Variants in ECEL1 observed in about 807,000 individuals in gnomAD.
ECEL1 encodes the protein endothelin converting enzyme like 1, also known as endothelin-converting enzyme-like 1.
A neutral mutation model predicts 101.8 loss-of-function variants in ECEL1; 87 were observed. The ratio of observed to expected loss-of-function variants is 0.85; its 90% CI spans 0.72 to 1.02. The LOEUF is 1.02. ECEL1 is among the 50% of genes least tolerant of loss of function. The pLI, the probability that ECEL1 is intolerant of heterozygous loss-of-function variation, is 0.00. For missense variants in ECEL1, 1,032 were observed against 1,079.2 expected, an observed-to-expected ratio of 0.96 and a Z score of 0.61; for synonymous variants, 487 against 468.7, an observed-to-expected ratio of 1.04 and a Z score of -0.50.
chr2:232,486,434 C>T lies in ECEL1; in HGVS notation c.220G>A (p.Ala74Thr). The change falls in exon 2 of 18, where the codon GCC becomes ACC. Residue 74 changes from alanine (A) to threonine (T), a missense_variant. Transcript: ENST00000304546. ...AGGGCCAGCATAGCCGCCAGAATGG[C>T]GCAGAGGCCGGCGGCGAACACCAGC... ...SGLVFAAGLCAILAAMLALKY... is the reference protein window; with the variant it reads ...SGLVFAAGLCTILAAMLALKY... The T allele has an allele frequency of 6.9e-7, 1 of 1,458,288 alleles. No homozygotes were observed. The highest frequency in any genetic ancestry group is 8.9e-7 in the Non-Finnish European group (1 of 1,117,614). The allele number at this position is 1,458,288 out of a possible 1,614,324, so 90.3% of individuals were successfully genotyped here. A position where few individuals can be genotyped will look rare whatever the true frequency, so the allele number is the denominator to read the frequency against.
In ECEL1 at chr2:232,484,868, A is replaced by G; in HGVS notation, c.992T>C (p.Leu331Pro). 3 of 1,613,890 alleles carry G rather than the reference A, an allele frequency of 1.9e-6. No individual in the cohort carries two copies. The highest frequency in any genetic ancestry group is 2.5e-6 in the Non-Finnish European group (3 of 1,179,972). ...ANITVSEHDDLRRDVSSMYNK... is the reference protein window; with the variant it reads ...ANITVSEHDDPRRDVSSMYNK... ...GTACATGGAGCTGACATCTCGCCGT[A>G]GGTCGTCATGCTCTGACACAGTGAT... is the stretch of plus-strand genomic sequence containing the variant. Residue 331 changes from leucine (L) to proline (P), a missense_variant, in exon 5 of 18, where the codon CTA becomes CCA. Leu to Pro is a moderately conservative substitution (Grantham distance 98, BLOSUM62 -3). Coordinates refer to ENST00000304546, the MANE Select transcript of ECEL1 (RefSeq NM_004826.4).
Position 232,486,370 on chromosome 2 carries a change from C to T in ECEL1, c.284G>A (p.Cys95Tyr), listed in dbSNP as rs1432814402. The T allele has an allele frequency of 8.7e-6, 13 of 1,492,832 alleles. No individual in the cohort carries two copies. The Admixed American group carries it at 1.2e-4, about 14-fold the overall frequency. The allele number at this position is 1,492,832 out of a possible 1,614,324, so 92.5% of individuals were successfully genotyped here. A position where few individuals can be genotyped will look rare whatever the true frequency, so the allele number is the denominator to read the frequency against. ...LGPVAAGGGA[C>Y]PEGCPERKAF... ...CTTGCGCTCAGGGCAGCCCTCGGGA[C>T]AGGCGCCGCCGCCGGCCGCGACCGG... is the stretch of plus-strand genomic sequence containing the variant. The change falls in exon 2 of 18, where the codon TGT becomes TAT. Residue 95 changes from cysteine to tyrosine, a missense_variant. Cys to Tyr is a radical substitution (Grantham distance 194). Transcript: ENST00000304546.
chr2:232,485,998 C>A lies in ECEL1; in HGVS notation c.656G>T (p.Arg219Leu). ...GGWDLGGAEE[R>L]PGVAARWDLN... The stretch of plus-strand genomic sequence containing the variant: ...GTCCCATCGCGCCGCGACCCCCGGA[C>A]GCTCCTCCGCGCCGCCCAGGTCCCA... Residue 219 changes from arginine (R) to leucine (L), a missense_variant, in exon 2 of 18, where the codon CGT (arginine) becomes CTT (leucine). Coordinates refer to ENST00000304546, the MANE Select transcript of ECEL1 (RefSeq NM_004826.4). 6.2e-7 allele frequency: 1 copy of A among 1,606,856 alleles called. No individual in the cohort carries two copies. The highest frequency in any genetic ancestry group is 8.5e-7 in the Non-Finnish European group (1 of 1,177,962).
chr2:232,484,973 C>G lies in ECEL1; in HGVS notation c.966+8G>C. ...GCCCAGGGCAGCCTCCAGTCCTGGT[C>G]TGCTCACGTTGGCCAGCTGCTGCTC... On this transcript the variant is annotated splice_region_variant and intron_variant, in intron 4 of 17. Transcript: ENST00000304546. 1 of 1,613,068 alleles carries G rather than the reference C, an allele frequency of 6.2e-7. No homozygotes were observed. The highest frequency in any genetic ancestry group is 8.5e-7 in the Non-Finnish European group (1 of 1,180,008).
chr2:232,482,184 A>G (rs1012563224), intron 12 of ECEL1, among the ~76,000 whole-genome samples: 6 of 152,230 alleles, frequency 3.9e-5, no homozygotes, highest in Non-Finnish European at 8.8e-5. Context: ...TGAAACATCA[A>G]AATGAGCCTC....
chr2:232,487,244 T>G (rs1262345209), intron 1 of ECEL1, among the ~76,000 whole-genome samples: 2 of 152,082 alleles, frequency 1.3e-5, no homozygotes, highest in African/African-American at 4.8e-5. Flanking sequence ...CTCGCGGAAG[T>G]CCGCGGGATC....
rs1456807978 is a variant in ECEL1, at chr2:232,485,888, A to G, written c.766T>C (p.Ser256Pro). Residue 256 changes from serine (S) to proline (P), a missense_variant, in exon 2 of 18, where the codon TCC (serine) becomes CCC (proline). By Grantham distance (74) the Ser-to-Pro change is moderately conservative. Coordinates refer to ENST00000304546, the MANE Select transcript of ECEL1 (RefSeq NM_004826.4). ...CTCACGCGGATGACGTAGCGCGAGG[A>G]GTTCCTGTCGTCCAGGCTGACCGTG... ...SLTVSLDDRN[S>P]SRYVIRIDQD... 1.9e-6 allele frequency: 3 copies of G among 1,561,816 alleles called. No homozygotes were observed. The highest frequency in any genetic ancestry group is 2.6e-6 in the Non-Finnish European group (3 of 1,156,680).
Position 232,483,146 on chromosome 2 carries a change from C to A in ECEL1, c.1540G>T (p.Asp514Tyr), listed in dbSNP as rs1470641711. Residue 514 changes from aspartate to tyrosine, a missense_variant, in exon 9 of 18, where the codon GAC becomes TAC. By Grantham distance (160) the Asp-to-Tyr change is radical. Coordinates refer to ENST00000304546, the MANE Select transcript of ECEL1 (RefSeq NM_004826.4). ...ACAGCATCGGGTTTCAGCAGGAAGT[C>A]CGGGTAGCCGACCATCACCATCATG... ...QYMMVMVGYP[D>Y]FLLKPDAVDK... 3.1e-6 allele frequency: 5 copies of A among 1,608,640 alleles called. No homozygotes were observed. The African/African-American group carries it at 5.3e-5, about 17-fold the overall frequency.
intron 8 of ECEL1, 49 bp from the exon 9 acceptor site, chr2:232,483,228 C>T (rs1288072428): frequency 7.0e-6 from 11 of 1,568,930 alleles, no homozygotes; most frequent in Non-Finnish European, 8.6e-6. Flanking sequence ...GGGAGACAGC[C>T]CCCCGCCCCC....
At chr2:232,481,908 G>A (rs1690589826) in intron 12 of ECEL1, 59 bp from the exon 13 acceptor site, 1 of 1,604,788 alleles carries the variant, frequency 6.2e-7, no homozygotes. Flanking sequence ...GCCCCATGCT[G>A]CTGCCCAGGC....
In ECEL1 at chr2:232,483,173, A is replaced by G. The variant is rs1272527037; in HGVS notation, c.1513T>C (p.Tyr505His). The G allele has an allele frequency of 6.2e-7, 1 of 1,603,968 alleles. No homozygotes were observed. The highest frequency in any genetic ancestry group is 1.7e-5 in the Admixed American group (1 of 57,654). ...TRAAARAKLQ[Y>H]MMVMVGYPDF... is the part of the protein sequence containing the mutation. ...GGGTAGCCGACCATCACCATCATGTACTGGAGCTGCGGGCCGAGGGCAGGT... is the reference window on the plus strand; with the variant it reads ...GGGTAGCCGACCATCACCATCATGTGCTGGAGCTGCGGGCCGAGGGCAGGT... Residue 505 changes from tyrosine to histidine, a missense_variant, in exon 9 of 18, where the codon TAC becomes CAC. Coordinates refer to ENST00000304546, the MANE Select transcript of ECEL1 (RefSeq NM_004826.4).
rs978851564 is a variant in ECEL1, at chr2:232,480,214, C to T, written c.2267G>A (p.Arg756Gln). 13 of 1,613,902 alleles carry T rather than the reference C, an allele frequency of 8.1e-6. No homozygotes were observed. The East Asian group carries it at 8.9e-5, about 11-fold the overall frequency. The change falls in exon 18 of 18, where the codon CGG (arginine) becomes CAG (glutamine). Residue 756 changes from arginine to glutamine, a missense_variant. Arg to Gln is a conservative substitution (Grantham distance 43). Transcript: ENST00000304546. ...TGAGTCCTTGGGACAGTGGAAAGCC[C>T]GGCCAAACTCCTCAAACTGGGACAC... ...GSVSQFEEFG[R>Q]AFHCPKDSPM...
rs1159825708 is a variant in ECEL1 at position 232,481,845 on chromosome 2, G to A, written c.1801C>T (p.Leu601Phe). 1 of 1,613,826 alleles carries A rather than the reference G, an allele frequency of 6.2e-7. No homozygotes were observed. The highest frequency in any genetic ancestry group is 1.3e-5 in the African/African-American group (1 of 74,944). Residue 601 changes from leucine to phenylalanine, a missense_variant, in exon 13 of 18, where the codon CTC (leucine) becomes TTC (phenylalanine). Physicochemically the swap from Leu to Phe is conservative, Grantham distance 22 (BLOSUM62 0). Transcript: ENST00000304546. ...TLYDPDFPQS[L>F]NYGGIGTIIG... ...ATGGTGCCGATGCCCCCGTAGTTGA[G>A]AGACCTGGGCCCACAGCAGCAGCAT...
intron 13 of ECEL1, 36 bp from the exon 14 acceptor site, chr2:232,481,666 C>A (rs540904303): frequency 2.5e-6 from 4 of 1,605,184 alleles, no homozygotes; most frequent in Admixed American, 1.7e-5. Context: ...CCCACCCTCA[C>A]CTGAGCCCCC....
intron 2 of ECEL1, 111 bp downstream of exon 2, chr2:232,485,757 C>T (rs1361174866): frequency 1.3e-5 from 18 of 1,380,700 alleles, no homozygotes; most frequent in African/African-American, 2.9e-5. Flanking sequence ...CTGCTCGTCT[C>T]TTCCCTCCTC....
Position 232,483,454 on chromosome 2 carries a change from A to C in ECEL1, c.1468T>G (p.Trp490Gly), listed in dbSNP as rs745357522. 2.2e-5 allele frequency: 36 copies of C among 1,612,428 alleles called. No homozygotes were observed. Among genetic ancestry groups the C allele is most frequent in the Non-Finnish European group, 2.5e-6 (3 of 1,179,716 alleles). Reference protein sequence around the residue: ...ILGQRLEELDWMDAETRAAAR... With the variant: ...ILGQRLEELDGMDAETRAAAR... Reference sequence around the variant, plus strand: ...GCAGCCCTGGTCTCGGCGTCCATCCAGTCCAGCTCCTCCAGGCGCTGGCCC... The same window carrying C: ...GCAGCCCTGGTCTCGGCGTCCATCCCGTCCAGCTCCTCCAGGCGCTGGCCC... Residue 490 changes from tryptophan to glycine, a missense_variant, in exon 8 of 18, where the codon TGG becomes GGG. By Grantham distance (184) the Trp-to-Gly change is radical. Coordinates refer to ENST00000304546, the MANE Select transcript of ECEL1 (RefSeq NM_004826.4).
At chr2:232,482,713 C>T (rs961291588) in intron 10 of ECEL1, 105 bp from the exon 11 acceptor site, 1 of 1,504,278 alleles carries the variant, frequency 6.6e-7, no homozygotes, top group South Asian at 1.2e-5. Flanking sequence ...GGGGGTCACC[C>T]TGCCGGCCCC....
chr2:232,483,590 T>C, intron 7 of ECEL1, 76 bp from the exon 8 acceptor site: 1 of 1,286,530 alleles, frequency 7.8e-7, no homozygotes, highest in South Asian at 1.5e-5. Context: ...GGGGTACCCC[T>C]GCCTTTAAGC....
At chr2:232,486,787 G>A (rs1018607236) in intron 1 of ECEL1, 33 bp from the exon 2 acceptor site, 25 of 1,013,222 alleles carry the variant, frequency 2.5e-5, no homozygotes, top group Non-Finnish European at 3.2e-5. Context: ...CTCAGGAGGC[G>A]CCGCAGCCGG....
Sources: gnomAD v4.1 joint callset for allele counts (sites outside exome capture counted in the v4.1 genomes callset) on GRCh38, gnomAD v4.1.1 for gene constraint, MANE v1.5 for transcripts, NCBI Gene and HGNC (gene_info 2026-07-23, HGNC 2026-07-21) for gene names.